The following CEMIP2 variants were observed in gnomAD, a reference collection of about 807,000 sequenced individuals.
CEMIP2 encodes cell surface hyaluronidase CEMIP2.
Under a neutral mutation model 146.9 loss-of-function variants are expected in CEMIP2, and 79 were observed. That is an observed-to-expected ratio of 0.54 (90% CI 0.45 to 0.65). The LOEUF is 0.65. CEMIP2 is among the 30% of genes least tolerant of loss of function. The pLI, the probability that CEMIP2 is intolerant of heterozygous loss-of-function variation, is 0.00. For missense variants in CEMIP2, 1,596 were observed against 1,696.2 expected, an observed-to-expected ratio of 0.94 and a Z score of 1.04; for synonymous variants, 601 against 606.3, an observed-to-expected ratio of 0.99 and a Z score of 0.13.
At chr9:71,704,913 G>C in intron 17 of CEMIP2, 110 bp from the exon 18 acceptor site, 1 of 1,038,940 alleles carries the variant, frequency 9.6e-7, no homozygotes. Context: ...GAGATTCTGT[G>C]ATCTGTGCCA....
At chr9:71,753,457 T>C (rs767600439) in intron 1 of CEMIP2, among the ~76,000 whole-genome samples, 3 of 152,132 alleles carry the variant, frequency 2.0e-5, no homozygotes, top group Non-Finnish European at 4.4e-5. Context: ...AAGGGGTCAA[T>C]AAATCAAAAA....
At position 71,750,292 on chromosome 9, in the gene CEMIP2, C is replaced by A. The variant is rs750264219; in HGVS notation, c.82G>T (p.Val28Phe). The A allele has an allele frequency of 6.2e-7, 1 of 1,614,010 alleles. No homozygotes were observed. The highest frequency in any genetic ancestry group is 2.2e-5 in the East Asian group (1 of 44,876). Reference protein sequence around the residue: ...NGNSRHPSGYVPGKVVPLRPP... With the variant: ...NGNSRHPSGYFPGKVVPLRPP... ...CGCAATGGGACAACCTTCCCTGGAACATAGCCAGATGGGTGACGACTATTT... is the reference window on the plus strand; with the variant it reads ...CGCAATGGGACAACCTTCCCTGGAAAATAGCCAGATGGGTGACGACTATTT... Residue 28 changes from valine (V) to phenylalanine (F), a missense_variant, in exon 2 of 24, where the codon GTT becomes TTT. Physicochemically the swap from Val to Phe is conservative, Grantham distance 50. Coordinates refer to ENST00000377044, the MANE Select transcript of CEMIP2 (RefSeq NM_013390.3).
At chr9:71,728,857 G>T (rs1257928142) in intron 10 of CEMIP2, among the ~76,000 whole-genome samples, 1 of 150,016 alleles carries the variant, frequency 6.7e-6, no homozygotes, top group African/African-American at 2.5e-5. Flanking sequence ...ATTGACACGG[G>T]GTCTCACTCT....
chr9:71,693,748 C>T (rs1485750990), intron 21 of CEMIP2, among the ~76,000 whole-genome samples: 3 of 152,150 alleles, frequency 2.0e-5, no homozygotes, highest in African/African-American at 7.2e-5. Flanking sequence ...ATTCATGTCA[C>T]CAAGATAGAA....
intron 4 of CEMIP2, among the ~76,000 whole-genome samples, chr9:71,743,624 C>T (rs1388839708): frequency 6.6e-6 from 1 of 152,120 alleles, no homozygotes; most frequent in Non-Finnish European, 1.5e-5. Context: ...TCCCATTGCA[C>T]CCTGTAACTG....
intron 7 of CEMIP2, 140 bp downstream of exon 7, chr9:71,732,211 A>C (rs1823639534): frequency 2.4e-6 from 2 of 833,508 alleles, no homozygotes; most frequent in Non-Finnish European, 3.6e-6. Context: ...ATCATCTAAA[A>C]CCTCCTCATT....
In CEMIP2 at chr9:71,745,242, C is replaced by A. The variant is rs1824048389; in HGVS notation, c.810G>T (p.Arg270Ser). Residue 270 changes from arginine to serine, a missense_variant, in exon 4 of 24, where the codon AGG (arginine) becomes AGT (serine). Transcript: ENST00000377044. ...TTTTGGCCGTGTCTTGGTCAATGAC[C>A]CTCACATTGAGGCCCCGGGAAAAGT... ...EKDFSRGLNVRVIDQDTAKIL... is the reference protein window; with the variant it reads ...EKDFSRGLNVSVIDQDTAKIL... 1 of 1,614,002 alleles carries A rather than the reference C, an allele frequency of 6.2e-7. No homozygotes were observed. The highest frequency in any genetic ancestry group is 8.5e-7 in the Non-Finnish European group (1 of 1,180,006).
At chr9:71,729,550 T>C (rs145064821) in intron 10 of CEMIP2, among the ~76,000 whole-genome samples, 10,635 of 148,702 alleles carry the variant, frequency 0.072, 537 homozygotes, top group South Asian at 0.2. Context: ...ACCCGGGGGG[T>C]GGAGCTTGCA....
At chr9:71,709,110 G>A in intron 17 of CEMIP2, 149 bp downstream of exon 17, 1 of 743,878 alleles carries the variant, frequency 1.3e-6, no homozygotes, top group Non-Finnish European at 2.2e-6. Context: ...TGAATCGAAA[G>A]AAAGAAAAGA....
chr9:71,708,117 C>T (rs1448546524), intron 17 of CEMIP2, among the ~76,000 whole-genome samples: 1 of 152,110 alleles, frequency 6.6e-6, no homozygotes, highest in Admixed American at 6.5e-5. Context: ...ACCCAGGAGG[C>T]GGAGCTTGCA....
At chr9:71,722,615 CAA>C in intron 11 of CEMIP2, 100 bp from the exon 12 acceptor site, 1 of 844,670 alleles carries the variant, frequency 1.2e-6, no homozygotes, top group Admixed American at 3.2e-5. Flanking sequence ...TCACTTCTAC[CAA>C]AAAAAGTGGG....
At chr9:71,754,577 G>A (rs1215114687) in intron 1 of CEMIP2, among the ~76,000 whole-genome samples, 1 of 152,146 alleles carries the variant, frequency 6.6e-6, no homozygotes, top group African/African-American at 2.4e-5. Flanking sequence ...ACAAACTACA[G>A]ACTGTGACAA....
In CEMIP2 at chr9:71,684,679, T is replaced by C. The variant is rs923314631; in HGVS notation, c.*518A>G. ...AAAAAGGGCATGAGCTGGGCCTGAG[T>C]TGCCACTTAAAACTGTCATTCAATA... On this transcript the variant is annotated 3_prime_UTR_variant, in exon 24 of 24. Coordinates refer to ENST00000377044, the MANE Select transcript of CEMIP2 (RefSeq NM_013390.3). 6.5e-6 allele frequency: 1 copy of C among 152,920 alleles called. No individual in the cohort carries two copies. Among genetic ancestry groups the C allele is most frequent in the African/African-American group, 2.4e-5 (1 of 41,460 alleles). 9.5% of individuals were successfully genotyped at this position (152,920 alleles called of 1,614,324 possible). A position where few individuals can be genotyped will look rare whatever the true frequency, so the allele number is the denominator to read the frequency against.
chr9:71,700,512 AAT>A, intron 19 of CEMIP2, 128 bp downstream of exon 19: 1 of 898,652 alleles, frequency 1.1e-6, no homozygotes, highest in Non-Finnish European at 1.6e-6. Flanking sequence ...CTAAACCTCT[AAT>A]AGAGAAGATG....
At chr9:71,697,899 G>C (rs1822445354) in intron 20 of CEMIP2, 86 bp downstream of exon 20, 1 of 1,349,108 alleles carries the variant, frequency 7.4e-7, no homozygotes, top group Non-Finnish European at 1.0e-6. Flanking sequence ...GGGCAATATA[G>C]ATGTTTCAAA....
In CEMIP2 at chr9:71,685,063, G is replaced by A. The variant is rs937662868; in HGVS notation, c.*134C>T. On this transcript the variant is annotated 3_prime_UTR_variant, in exon 24 of 24. Coordinates refer to ENST00000377044, the MANE Select transcript of CEMIP2 (RefSeq NM_013390.3). The stretch of plus-strand genomic sequence containing the variant: ...TGGTATCCAAGCAATAATTTCAAAC[G>A]CTTTCTTTTCTCCCCATTCTGTATC... 5.1e-6 allele frequency: 4 copies of A among 787,132 alleles called. No individual in the cohort carries two copies. The highest frequency in any genetic ancestry group is 5.6e-5 in the East Asian group (2 of 35,496). 48.8% of individuals were successfully genotyped at this position (787,132 alleles called of 1,614,324 possible).
intron 22 of CEMIP2, 182 bp from the exon 23 acceptor site, chr9:71,686,028 C>T (rs1388589013): frequency 1.7e-6 from 1 of 584,834 alleles, no homozygotes; most frequent in East Asian, 2.8e-5. Context: ...CCACCATGGG[C>T]TTCACACGTT....
chr9:71,757,730 T>C (rs1463518471), intron 1 of CEMIP2, among the ~76,000 whole-genome samples: 1 of 152,212 alleles, frequency 6.6e-6, no homozygotes, highest in Non-Finnish European at 1.5e-5. Flanking sequence ...GATCACCATT[T>C]AGATCTTCTG....
intron 21 of CEMIP2, among the ~76,000 whole-genome samples, chr9:71,691,128 T>C (rs17057110): frequency 0.013 from 1,966 of 152,316 alleles, 39 homozygotes; most frequent in African/African-American, 0.042. Context: ...CTCACTGGTA[T>C]TCAAAATGGC....
Sources: gnomAD v4.1 joint callset for allele counts (sites outside exome capture counted in the v4.1 genomes callset) on GRCh38, gnomAD v4.1.1 for gene constraint, MANE v1.5 for transcripts, NCBI Gene and HGNC (gene_info 2026-07-23, HGNC 2026-07-21) for gene names.